BARD1: variants seen among roughly 807,000 people sequenced by gnomAD.
BARD1 encodes BRCA1 associated RING domain 1.
BARD1 carries 73 observed loss-of-function variants against 77.0 expected under a neutral mutation model. That is an observed-to-expected ratio of 0.95 (90% CI 0.79 to 1.15). BARD1 has a LOEUF of 1.15. Among genes scored for constraint, BARD1 ranks in the 50% most tolerant of loss-of-function variants. The probability of loss-of-function intolerance (pLI) is 0.00; values close to 1 mark genes in which losing one functional copy is unlikely to be tolerated. For missense variants in BARD1, 993 were observed against 938.8 expected (o/e 1.06, Z -0.75); for synonymous variants, 384 against 338.0 (o/e 1.14, Z -1.49).
At position 214,730,008 on chromosome 2, in the gene BARD1, TTTTC is replaced by T. The variant is rs371016905; in HGVS notation, c.2001+399_2001+402del. Among the ~76,000 whole-genome samples, 619 of 152,290 alleles carry T rather than the reference TTTTC, an allele frequency of 4.1e-3. 3 individuals are homozygous for T. The highest frequency in any genetic ancestry group is 0.014 in the African/African-American group (594 of 41,564). ...GTTTCATAATTCCCTTCTATGGAAA[TTTTC>T]TTTGTGACTTCTAATATACTTATAT... On this transcript the variant is annotated intron_variant, in intron 10 of 10. Transcript: ENST00000260947.
intron 6 of BARD1, among the ~76,000 whole-genome samples, chr2:214,754,321 AAG>A (rs1693596265): frequency 6.6e-6 from 1 of 151,924 alleles, no homozygotes; most frequent in African/African-American, 2.4e-5. Flanking sequence ...CAGCCTGAGC[AAG>A]AGATACTGTT....
intron 3 of BARD1, 78 bp from the exon 4 acceptor site, chr2:214,781,587 A>C (rs559369306): frequency 1.8e-6 from 2 of 1,142,802 alleles, no homozygotes; most frequent in African/African-American, 3.1e-5. Context: ...AATTTTGTTT[A>C]CAGTTCCCCT....
intron 6 of BARD1, among the ~76,000 whole-genome samples, chr2:214,760,552 C>G (rs1272663178): frequency 6.6e-6 from 1 of 152,132 alleles, no homozygotes; most frequent in Non-Finnish European, 1.5e-5. Context: ...ACTTAGCCCT[C>G]TTATACAAGC....
intron 3 of BARD1, among the ~76,000 whole-genome samples, chr2:214,786,119 G>C (rs1036948705): frequency 6.6e-6 from 1 of 151,944 alleles, no homozygotes; most frequent in African/African-American, 2.4e-5. Context: ...GTGGCCACTA[G>C]TCTTATTCCT....
At chr2:214,750,293 C>A (rs181020454) in intron 7 of BARD1, among the ~76,000 whole-genome samples, 62 of 152,292 alleles carry the variant, frequency 4.1e-4, no homozygotes, top group African/African-American at 1.1e-3. Context: ...TCCCAGCTAG[C>A]CTGCAGACAG....
At chr2:214,800,608 T>C (rs1695974040) in intron 1 of BARD1, among the ~76,000 whole-genome samples, 1 of 152,164 alleles carries the variant, frequency 6.6e-6, no homozygotes. Context: ...AGAATATAAA[T>C]GCATCCAACT....
rs876659765 is a variant in BARD1, at chr2:214,728,786, A to T, written c.2224T>A (p.Leu742Met). The T allele has an allele frequency of 5.6e-6, 9 of 1,614,076 alleles. No individual in the cohort carries two copies. Among genetic ancestry groups the T allele is most frequent in the Middle Eastern group, 1.6e-4 (1 of 6,084 alleles). The change falls in exon 11 of 11, where the codon TTG becomes ATG. Residue 742 changes from leucine (L) to methionine (M), a missense_variant. By Grantham distance (15) the Leu-to-Met change is conservative. Transcript: ENST00000260947. ...ACCCTCTCTGGGTGATAATTACACA[A>T]ATCTTCATAGATGATATACTGTGTG... is the stretch of plus-strand genomic sequence containing the variant. ...FCTQYIIYED[L>M]CNYHPERVRQ...
chr2:214,782,176 C>T (rs912145214), intron 3 of BARD1, among the ~76,000 whole-genome samples: 1 of 152,078 alleles, frequency 6.6e-6, no homozygotes, highest in African/African-American at 2.4e-5. Flanking sequence ...CTAATATTAA[C>T]GTCAAGCTGT....
chr2:214,795,037 A>G (rs896946085), intron 2 of BARD1, among the ~76,000 whole-genome samples: 3 of 152,202 alleles, frequency 2.0e-5, no homozygotes, highest in South Asian at 2.1e-4. Flanking sequence ...CTTTGCATAA[A>G]ATGTCATGGA....
intron 1 of BARD1, among the ~76,000 whole-genome samples, chr2:214,801,159 T>G (rs931011423): frequency 6.6e-6 from 1 of 152,198 alleles, no homozygotes; most frequent in Admixed American, 6.5e-5. Context: ...ATAACTTTAT[T>G]TAAAAACATT....
At chr2:214,749,572 C>A (rs1693303805) in intron 7 of BARD1, among the ~76,000 whole-genome samples, 1 of 152,078 alleles carries the variant, frequency 6.6e-6, no homozygotes, top group African/African-American at 2.4e-5. Context: ...TTATTCTTGA[C>A]ACATTTAAAG....
intron 7 of BARD1, among the ~76,000 whole-genome samples, chr2:214,751,117 G>GTGTGTGTGTGTATA (rs1486423673): frequency 6.1e-5 from 1 of 16,288 alleles, no homozygotes; most frequent in Non-Finnish European, 1.4e-4. Context: ...GTGTGTGTGT[G>GTGTGTGTGTGTATA]TATATATATA....
rs367890377 is a variant in BARD1 at position 214,781,032 on chromosome 2, G to A, written c.842C>T (p.Pro281Leu). The A allele has an allele frequency of 3.4e-5, 54 of 1,611,222 alleles. No homozygotes were observed. The African/African-American group carries it at 7.0e-4, about 21-fold the overall frequency. Reference protein sequence around the residue: ...CFGSLTEVSLPLAEQIESPDT... With the variant: ...CFGSLTEVSLLLAEQIESPDT... ...TGGAGACTCTATTTGCTCAGCCAAT[G>A]GTAAAGAGACTTCAGTTAAACTTCC... The change falls in exon 4 of 11, where the codon CCA becomes CTA. Residue 281 changes from proline (P) to leucine (L), a missense_variant. Coordinates refer to ENST00000260947, the MANE Select transcript of BARD1 (RefSeq NM_000465.4).
At chr2:214,805,488 C>G (rs1696227548) in intron 1 of BARD1, among the ~76,000 whole-genome samples, 1 of 152,178 alleles carries the variant, frequency 6.6e-6, no homozygotes, top group Non-Finnish European at 1.5e-5. Flanking sequence ...AAGGCAAAAG[C>G]TGAACCCGGA....
chr2:214,747,279 T>A (rs1162999232), intron 7 of BARD1, among the ~76,000 whole-genome samples: 1,797 of 150,882 alleles, frequency 0.012, 37 homozygotes, highest in African/African-American at 0.041. Flanking sequence ...TAGTTCAACC[T>A]TTGTGGAAGT....
intron 4 of BARD1, among the ~76,000 whole-genome samples, chr2:214,779,810 C>A (rs1694896138): frequency 6.6e-6 from 1 of 152,324 alleles, no homozygotes; most frequent in South Asian, 2.1e-4. Flanking sequence ...GTACTAAGGT[C>A]TACCATATCA....
chr2:214,729,103 T>C, intron 10 of BARD1, 95 bp from the exon 11 acceptor site: 1 of 1,364,388 alleles, frequency 7.3e-7, no homozygotes, highest in Non-Finnish European at 1.0e-6. Flanking sequence ...ACAAGTTGAA[T>C]ATCCCTTACC....
intron 6 of BARD1, among the ~76,000 whole-genome samples, chr2:214,764,558 G>C (rs1266796592): frequency 6.6e-6 from 1 of 152,148 alleles, no homozygotes; most frequent in Admixed American, 6.6e-5. Context: ...AGGAAAGGGG[G>C]AAAGGAGAAG....
rs773682954 is a variant in BARD1, at chr2:214,730,533, C to A, written c.1904-25G>T. 1.9e-6 allele frequency: 3 copies of A among 1,571,676 alleles called. No individual in the cohort carries two copies. In the South Asian group the frequency reaches 3.3e-5, roughly 17 times the overall value. On this transcript the variant is annotated intron_variant, in intron 9 of 10. Transcript: ENST00000260947. ...CCTGACAAAAACACAAGAATTAAAG[C>A]AAACTAAGTATCAAGTGAGCACTAT...
Sources: allele counts gnomAD v4.1 joint callset (sites outside exome capture counted in the v4.1 genomes callset), GRCh38; gene constraint gnomAD v4.1.1; transcripts MANE v1.5; gene names NCBI Gene and HGNC (gene_info 2026-07-23, HGNC 2026-07-21).